The following MYH11 variants were observed in gnomAD, a reference collection of about 807,000 sequenced individuals.
MYH11 encodes myosin-11.
Under a neutral mutation model 246.6 loss-of-function variants are expected in MYH11, and 80 were observed. The observed-to-expected ratio is 0.32, with a 90% confidence interval of 0.27 to 0.39. MYH11 has a LOEUF of 0.39. Among genes scored for constraint, MYH11 ranks in the 10% least tolerant of loss-of-function variants. The pLI is 1.00. For missense variants in MYH11, 2,158 were observed against 2,546.8 expected (o/e 0.85, Z 3.29); for synonymous variants, 1,071 against 1,015.5 (o/e 1.05, Z -1.04).
intron 27 of MYH11, among the ~76,000 whole-genome samples, chr16:15,728,816 C>A (rs182141269): frequency 6.6e-6 from 1 of 152,170 alleles, no homozygotes; most frequent in East Asian, 1.9e-4. Flanking sequence ...AGGAGAATTG[C>A]CTGAACCCAG....
intron 3 of MYH11, among the ~76,000 whole-genome samples, chr16:15,811,019 C>G (rs2043125228): frequency 6.6e-6 from 1 of 152,090 alleles, no homozygotes; most frequent in Non-Finnish European, 1.5e-5. Context: ...ATGCTGGAAT[C>G]CTTACCCCTA....
At chr16:15,727,099 C>T (rs575384799) in intron 27 of MYH11, 45 bp from the exon 28 acceptor site, 49 of 1,592,258 alleles carry the variant, frequency 3.1e-5, no homozygotes, top group Admixed American at 5.0e-5. Context: ...AGGCTGTGGC[C>T]GGGAGAACGT....
At chr16:15,715,765 G>C (rs531459582) in intron 38 of MYH11, among the ~76,000 whole-genome samples, 2 of 152,208 alleles carry the variant, frequency 1.3e-5, no homozygotes, top group Admixed American at 6.5e-5. Flanking sequence ...TCCCACCTCA[G>C]CCTCCCAAGT....
At chr16:15,786,033 C>T (rs79973433) in intron 5 of MYH11, 3,597 of 243,240 alleles carry the variant, frequency 0.015, 49 homozygotes, top group Middle Eastern at 0.033. Flanking sequence ...GCCCACGGGC[C>T]GAGTGATACC....
chr16:15,734,945 G>A (rs895244420), intron 26 of MYH11, among the ~76,000 whole-genome samples: 3 of 152,014 alleles, frequency 2.0e-5, no homozygotes, highest in East Asian at 1.9e-4. Context: ...TTTGGGAGGC[G>A]GAAGTGGGTG....
chr16:15,748,357 C>T lies in MYH11; in HGVS notation c.2059-189G>A, dbSNP rs76775411. The stretch of plus-strand genomic sequence containing the variant: ...CCTCTGGGTTTTCATCTCTTTGCTT[C>T]GGCAATGGCTGCCTCATGATCTCTC... On this transcript the variant is annotated intron_variant, in intron 16 of 40. Transcript: ENST00000300036. 0.026 allele frequency among the ~76,000 whole-genome samples: 3,977 copies of T among 152,298 alleles called. 79 individuals carry two copies. Among genetic ancestry groups the T allele is most frequent in the South Asian group, 0.071 (345 of 4,830 alleles).
chr16:15,825,932 C>T (rs1344356376), intron 2 of MYH11, among the ~76,000 whole-genome samples: 1 of 152,064 alleles, frequency 6.6e-6, no homozygotes, highest in African/African-American at 2.4e-5. Flanking sequence ...TATCCTCTTC[C>T]CTGCAAGTGA....
In MYH11 at chr16:15,708,848, C is replaced by G. The variant is rs1156235418; in HGVS notation, c.5787-4725G>C. 4.3e-6 allele frequency: 7 copies of G among 1,609,586 alleles called. No homozygotes were observed. Among genetic ancestry groups the G allele is most frequent in the African/African-American group, 4.0e-5 (3 of 74,892 alleles). ...TTCCTGTGGGGGGGGCCCTCTGAAA[C>G]AGAGAGAGAATCCCCGGAGGTTACC... On this transcript the variant is annotated intron_variant, in intron 40 of 40. Coordinates refer to ENST00000300036, the MANE Select transcript of MYH11 (RefSeq NM_002474.3).
At chr16:15,718,882 C>T (rs1284248205) in intron 36 of MYH11, 1 of 415,074 alleles carries the variant, frequency 2.4e-6, no homozygotes, top group Non-Finnish European at 4.5e-6. Context: ...AATCACAGCA[C>T]TTTGGGAGGC....
intron 5 of MYH11, chr16:15,785,007 G>GTTTTTTTTTTTTTTT: frequency 1.5e-5 from 1 of 67,334 alleles, no homozygotes; most frequent in Non-Finnish European, 2.5e-5. Context: ...TAATTCTCTT[G>GTTTTTTTTTTTTTTT]ATTTTTTTTT....
At chr16:15,848,441 C>T (rs910625215) in intron 1 of MYH11, among the ~76,000 whole-genome samples, 7 of 152,036 alleles carry the variant, frequency 4.6e-5, no homozygotes, top group Non-Finnish European at 1.0e-4. Context: ...ACCATATTGG[C>T]CAGGCTGGTC....
chr16:15,746,663 C>G (rs1176571014), intron 19 of MYH11, among the ~76,000 whole-genome samples: 3 of 152,160 alleles, frequency 2.0e-5, no homozygotes, highest in African/African-American at 2.4e-5. Context: ...GAACCCGAAC[C>G]CTTCCCCGGC....
At chr16:15,737,188 G>C (rs1460515319) in intron 25 of MYH11, among the ~76,000 whole-genome samples, 1 of 152,166 alleles carries the variant, frequency 6.6e-6, no homozygotes, top group Non-Finnish European at 1.5e-5. Flanking sequence ...ATGTCGAAGA[G>C]GCAGCAGCAA....
intron 35 of MYH11, 56 bp from the exon 36 acceptor site, chr16:15,719,364 G>A: frequency 6.3e-7 from 1 of 1,578,134 alleles, no homozygotes; most frequent in Non-Finnish European, 8.6e-7. Context: ...GCCCCACCAA[G>A]AGTCCACCCT....
chr16:15,743,563 C>T (rs1167286010), intron 20 of MYH11, among the ~76,000 whole-genome samples: 4 of 152,206 alleles, frequency 2.6e-5, no homozygotes, highest in Admixed American at 1.3e-4. Flanking sequence ...TGGGCTGCCT[C>T]CTAACTCTTT....
chr16:15,745,600 T>C (rs1393188753), intron 19 of MYH11, among the ~76,000 whole-genome samples: 1 of 148,566 alleles, frequency 6.7e-6, no homozygotes, highest in East Asian at 2.0e-4. Flanking sequence ...TTTTTTTTTT[T>C]TTTTGAGATA....
At chr16:15,784,570 G>T (rs1277150387) in intron 5 of MYH11, 3 of 956,034 alleles carry the variant, frequency 3.1e-6, no homozygotes, top group Admixed American at 2.4e-5. Context: ...GATTTAAGTT[G>T]TGAAACTCTA....
At chr16:15,847,474 G>C (rs2044225071) in intron 1 of MYH11, among the ~76,000 whole-genome samples, 1 of 152,048 alleles carries the variant, frequency 6.6e-6, no homozygotes, top group South Asian at 2.1e-4. Context: ...CTGAGGTCTT[G>C]AACTCCTGAC....
intron 28 of MYH11, chr16:15,726,545 A>G: frequency 4.3e-6 from 2 of 461,990 alleles, no homozygotes. Flanking sequence ...TAATTTTTGT[A>G]TTTTTAGTAG....
Sources: gnomAD v4.1 joint callset for allele counts (sites outside exome capture counted in the v4.1 genomes callset) on GRCh38, gnomAD v4.1.1 for gene constraint, MANE v1.5 for transcripts, NCBI Gene and HGNC (gene_info 2026-07-23, HGNC 2026-07-21) for gene names.